Variants in MCM10 observed in about 807,000 individuals in gnomAD.
MCM10 encodes the protein minichromosome maintenance 10 replication initiation factor.
MCM10 carries 91 observed loss-of-function variants against 109.9 expected under a neutral mutation model. The ratio of observed to expected loss-of-function variants is 0.83; its 90% CI spans 0.70 to 0.99. The LOEUF (loss-of-function observed/expected upper bound fraction) is 0.99. Among genes scored for constraint, MCM10 ranks in the 50% least tolerant of loss-of-function variants. The pLI is 0.00. For synonymous variants in MCM10, 380 were observed against 387.2 expected, an observed-to-expected ratio of 0.98 and a Z score of 0.22; for missense variants, 1,077 against 1,061.2, an observed-to-expected ratio of 1.01 and a Z score of -0.21.
Position 13,203,509 on chromosome 10 carries a change from G to T in MCM10, c.2353-710G>T, listed in dbSNP as rs115464046. Among the ~76,000 whole-genome samples the T allele has an allele frequency of 3.5e-3, 530 of 152,222 alleles. 1 individual carries two copies. The highest frequency in any genetic ancestry group is 0.012 in the African/African-American group (502 of 41,520). On this transcript the variant is annotated intron_variant, in intron 17 of 19. Transcript: ENST00000378714. Reference sequence around the variant, plus strand: ...CACACTCACAGTTTCGGGGAGTAGGGTGTGCACGTTTTTTAGAGGGCCATC... The same window carrying T: ...CACACTCACAGTTTCGGGGAGTAGGTTGTGCACGTTTTTTAGAGGGCCATC...
In MCM10 at chr10:13,175,701, A is replaced by G. The variant is rs368632219; in HGVS notation, c.764+20A>G. Reference sequence around the variant, plus strand: ...GCTCAGGTCAGTAGCTAAACCATCTATTCATGTGCGCCACGGCATAGCTTT... The same window carrying G: ...GCTCAGGTCAGTAGCTAAACCATCTGTTCATGTGCGCCACGGCATAGCTTT... On this transcript the variant is annotated intron_variant, in intron 6 of 19. Coordinates refer to ENST00000378714, the MANE Select transcript of MCM10 (RefSeq NM_018518.5). The G allele has an allele frequency of 1.3e-6, 2 of 1,550,860 alleles. No individual in the cohort carries two copies. Among genetic ancestry groups the G allele is most frequent in the African/African-American group, 1.4e-5 (1 of 72,558 alleles).
intron 9 of MCM10, 110 bp from the exon 10 acceptor site, chr10:13,188,771 G>C: frequency 2.2e-6 from 2 of 915,906 alleles, no homozygotes; most frequent in Non-Finnish European, 3.6e-6. Context: ...CAGCAGGGAG[G>C]ACTCTGCATG....
In MCM10 at chr10:13,189,013, A is replaced by C; in HGVS notation, c.1348A>C (p.Lys450Gln). The C allele has an allele frequency of 6.2e-7, 1 of 1,614,278 alleles. No homozygotes were observed. The highest frequency in any genetic ancestry group is 8.5e-7 in the Non-Finnish European group (1 of 1,180,044). ...GTTTGCCCGCAGAGGCACCAGCCTCAAAGAACGGCTGTGCCAAGATGGCTT... is the reference window on the plus strand; with the variant it reads ...GTTTGCCCGCAGAGGCACCAGCCTCCAAGAACGGCTGTGCCAAGATGGCTT... ...KKFARRGTSL[K>Q]ERLCQDGFYY... The change falls in exon 10 of 20, where the codon AAA becomes CAA. Residue 450 changes from lysine to glutamine, a missense_variant. Transcript: ENST00000378714.
At chr10:13,202,870 A>C (rs1366734882) in intron 17 of MCM10, among the ~76,000 whole-genome samples, 1 of 151,966 alleles carries the variant, frequency 6.6e-6, no homozygotes, top group African/African-American at 2.4e-5. Context: ...TTGGAGACAG[A>C]GTCTCACTCT....
In MCM10 at chr10:13,168,802, C is replaced by G. The variant is rs562929093; in HGVS notation, c.8-2120C>G. On this transcript the variant is annotated intron_variant, in intron 2 of 19. Coordinates refer to ENST00000378714, the MANE Select transcript of MCM10 (RefSeq NM_018518.5). ...TGATGAGGTGGTGGGGAGAAGTGGC[C>G]CTTGTGTACAGCTCTAGTGAGAGTG... Among the ~76,000 whole-genome samples, 354 of 152,108 alleles carry G rather than the reference C, an allele frequency of 2.3e-3. 2 individuals are homozygous for G. Among genetic ancestry groups the G allele is most frequent in the African/African-American group, 8.2e-3 (340 of 41,486 alleles).
intron 14 of MCM10, among the ~76,000 whole-genome samples, chr10:13,197,188 G>T (rs890526341): frequency 6.6e-6 from 1 of 152,178 alleles, no homozygotes; most frequent in East Asian, 1.9e-4. Context: ...CTCCCAAAGT[G>T]CTGGGTTTAC....
intron 18 of MCM10, among the ~76,000 whole-genome samples, chr10:13,207,727 C>G (rs887211379): frequency 6.6e-6 from 1 of 152,194 alleles, no homozygotes; most frequent in Non-Finnish European, 1.5e-5. Context: ...CATGCCTTTG[C>G]TCTTCCTTCG....
chr10:13,183,221 C>G (rs887746950), intron 8 of MCM10, 121 bp downstream of exon 8: 1 of 1,114,870 alleles, frequency 9.0e-7, no homozygotes, highest in Non-Finnish European at 1.3e-6. Context: ...TTTGGGGAGG[C>G]CAAAGCGGGA....
intron 6 of MCM10, among the ~76,000 whole-genome samples, chr10:13,178,369 G>A (rs750995563): frequency 1.6e-4 from 24 of 152,336 alleles, no homozygotes; most frequent in Non-Finnish European, 2.6e-4. Flanking sequence ...GATTACAGGC[G>A]TGAGCCACGG....
intron 18 of MCM10, 27 bp downstream of exon 18, chr10:13,204,391 TC>T (rs762488687): frequency 1.2e-6 from 2 of 1,611,316 alleles, no homozygotes; most frequent in Non-Finnish European, 1.7e-6. Flanking sequence ...GAGCTCTTTG[TC>T]CCACGTGGGG....
chr10:13,175,715 C>T (rs768269580), intron 6 of MCM10, 34 bp downstream of exon 6: 123 of 1,492,286 alleles, frequency 8.2e-5, no homozygotes, highest in Non-Finnish European at 1.1e-4. Flanking sequence ...ATGTGCGCCA[C>T]GGCATAGCTT....
chr10:13,170,853 A>G, intron 2 of MCM10, 69 bp from the exon 3 acceptor site: 1 of 1,416,880 alleles, frequency 7.1e-7, no homozygotes, highest in South Asian at 1.3e-5. Context: ...GGGTCATTTA[A>G]ATTGCCTAAA....
rs923052031 is a variant in MCM10, at chr10:13,201,272, C to T, written c.2239-149C>T. On this transcript the variant is annotated intron_variant, in intron 16 of 19. Coordinates refer to ENST00000378714, the MANE Select transcript of MCM10 (RefSeq NM_018518.5). Reference sequence around the variant, plus strand: ...AGCTCATGAGGTGCTGTCCAGGGCCCTCTCACACTTAGCCTGCCTCTTCCA... The same window carrying T: ...AGCTCATGAGGTGCTGTCCAGGGCCTTCTCACACTTAGCCTGCCTCTTCCA... 8.2e-6 allele frequency: 5 copies of T among 612,496 alleles called. No individual in the cohort carries two copies. The African/African-American group carries it at 9.2e-5, about 11-fold the overall frequency. 37.9% of individuals were successfully genotyped at this position (612,496 alleles called of 1,614,324 possible).
intron 15 of MCM10, 139 bp downstream of exon 15, chr10:13,197,906 G>T: frequency 2.4e-6 from 2 of 822,764 alleles, no homozygotes; most frequent in East Asian, 3.0e-5. Context: ...GAATTTCTAT[G>T]GGTGGAACTG....
chr10:13,166,933 G>T (rs1834009208), intron 2 of MCM10, among the ~76,000 whole-genome samples: 1 of 151,894 alleles, frequency 6.6e-6, no homozygotes, highest in East Asian at 1.9e-4. Context: ...GAGGCCAGGA[G>T]TTCAAGACGA....
In MCM10 at chr10:13,182,479, AAAT is replaced by A. The variant is rs1834221413; in HGVS notation, c.931-447_931-445del. Reference sequence around the variant, plus strand: ...TGACAGAGCAAGACTCTGTCTCTAAAAATAATAATCATCATATAATTAACCAAT... The same window carrying A: ...TGACAGAGCAAGACTCTGTCTCTAAAAATAATCATCATATAATTAACCAAT... On this transcript the variant is annotated intron_variant, in intron 7 of 19. Transcript: ENST00000378714. The surrounding 1 kb of genome is among the most constrained non-coding windows in gnomAD (Gnocchi z 4.2). Among the ~76,000 whole-genome samples, 1 of 152,184 alleles carries A rather than the reference AAAT, an allele frequency of 6.6e-6. No homozygotes were observed. The highest frequency in any genetic ancestry group is 6.5e-5 in the Admixed American group (1 of 15,284).
At chr10:13,191,493 T>C (rs1413248501) in intron 11 of MCM10, 94 bp downstream of exon 11, 1 of 919,748 alleles carries the variant, frequency 1.1e-6, no homozygotes, top group East Asian at 2.5e-5. Flanking sequence ...GGTACACTGC[T>C]CCGGTGATGG....
At chr10:13,190,342 A>T (rs7896928) in intron 10 of MCM10, among the ~76,000 whole-genome samples, 31,505 of 152,180 alleles carry the variant, frequency 0.21, 3,797 homozygotes, top group African/African-American at 0.3. Flanking sequence ...CATACAATCC[A>T]ACCAATGGAG....
At chr10:13,186,356 G>A in intron 9 of MCM10, 76 bp downstream of exon 9, 2 of 953,160 alleles carry the variant, frequency 2.1e-6, no homozygotes, top group South Asian at 1.4e-5. Context: ...TGCTTTAGCT[G>A]TGATGACCAG....
Sources: allele counts gnomAD v4.1 joint callset (sites outside exome capture counted in the v4.1 genomes callset), GRCh38; gene constraint gnomAD v4.1.1; non-coding constraint Gnocchi (gnomAD v3.1); transcripts MANE v1.5; gene names NCBI Gene and HGNC (gene_info 2026-07-23, HGNC 2026-07-21).